The following LCOR variants were observed in gnomAD, a reference collection of about 807,000 sequenced individuals.
LCOR encodes the protein ligand dependent nuclear receptor corepressor, also known as ligand-dependent corepressor.
LCOR carries 14 observed loss-of-function variants against 64.4 expected under a neutral mutation model. The observed-to-expected ratio is 0.22, with a 90% CI of 0.14 to 0.34. The LOEUF is 0.34. Ranked by LOEUF, LCOR falls within the 10% of genes least tolerant of loss-of-function variation. The probability of loss-of-function intolerance (pLI) is 1.00; values close to 1 mark genes in which losing one functional copy is unlikely to be tolerated. For synonymous variants in LCOR, 643 were observed against 642.5 expected (o/e 1.00, Z -0.01); for missense variants, 1,686 against 1,765.3 (o/e 0.96, Z 0.80).
intron 7 of LCOR, among the ~76,000 whole-genome samples, chr10:96,966,625 G>C (rs1847953886): frequency 6.6e-6 from 1 of 152,154 alleles, no homozygotes; most frequent in Non-Finnish European, 1.5e-5. Context: ...TTTTTTAATA[G>C]AAAGTGTTAA....
intron 2 of LCOR, among the ~76,000 whole-genome samples, chr10:96,843,438 C>T (rs1490155627): frequency 5.3e-5 from 8 of 152,082 alleles, no homozygotes; most frequent in Non-Finnish European, 1.2e-4. Flanking sequence ...CCAATGCAAG[C>T]GTATTTTCTA....
At chr10:96,891,636 A>C (rs1195463841) in intron 2 of LCOR, among the ~76,000 whole-genome samples, 1 of 137,178 alleles carries the variant, frequency 7.3e-6, no homozygotes, top group Non-Finnish European at 1.5e-5. Context: ...TCTGCCTCCC[A>C]GGTTCAAGCA....
At chr10:96,925,994 C>T (rs1383523765) in intron 4 of LCOR, among the ~76,000 whole-genome samples, 1 of 152,208 alleles carries the variant, frequency 6.6e-6, no homozygotes, top group Non-Finnish European at 1.5e-5. Flanking sequence ...AAGCCCCTTT[C>T]AGGCCACCTC....
At chr10:96,958,467 TAA>T (rs1189845844) in intron 7 of LCOR, 1 of 997,906 alleles carries the variant, frequency 1.0e-6, no homozygotes, top group Non-Finnish European at 1.5e-6. Flanking sequence ...TGCTGCAGTT[TAA>T]GAGAACTTGT....
intron 6 of LCOR, among the ~76,000 whole-genome samples, chr10:96,949,789 G>A (rs757800710): frequency 1.3e-5 from 2 of 152,130 alleles, no homozygotes; most frequent in African/African-American, 2.4e-5. Context: ...AGAGAAAGCA[G>A]CAGAACATAC....
intron 2 of LCOR, among the ~76,000 whole-genome samples, chr10:96,857,926 T>G (rs916871261): frequency 3.3e-5 from 5 of 152,198 alleles, no homozygotes; most frequent in African/African-American, 1.2e-4. Context: ...CCCTGAAGTC[T>G]TCTTACCATA....
In LCOR at chr10:96,981,494, A is replaced by G. The variant is rs780514163; in HGVS notation, c.1034A>G (p.Lys345Arg). The change falls in exon 8 of 8, where the codon AAA (lysine) becomes AGA (arginine). Residue 345 changes from lysine to arginine, a missense_variant. Coordinates refer to ENST00000421806, the MANE Select transcript of LCOR (RefSeq NM_001346516.2). ...TCIIPQRNLF[K>R]ALSEEAWNSG... ...ATTATTCCTCAAAGAAATTTGTTCAAAGCTTTATCAGAAGAGGCTTGGAAC... is the reference window on the plus strand; with the variant it reads ...ATTATTCCTCAAAGAAATTTGTTCAGAGCTTTATCAGAAGAGGCTTGGAAC... The G allele has an allele frequency of 1.7e-5, 28 of 1,614,118 alleles. No homozygotes were observed. The highest frequency in any genetic ancestry group is 1.9e-5 in the Non-Finnish European group (23 of 1,180,044).
At chr10:96,867,647 G>A (rs975054285) in intron 2 of LCOR, among the ~76,000 whole-genome samples, 1 of 152,004 alleles carries the variant, frequency 6.6e-6, no homozygotes, top group Non-Finnish European at 1.5e-5. Context: ...TAATCCCTTT[G>A]GGAGGCCAAG....
intron 2 of LCOR, among the ~76,000 whole-genome samples, chr10:96,865,029 A>G (rs1002886290): frequency 6.6e-6 from 1 of 152,204 alleles, no homozygotes; most frequent in Non-Finnish European, 1.5e-5. Context: ...TTAATTTGAG[A>G]GACGAGAGAT....
rs556275601 is a variant in LCOR, at chr10:96,993,699, T to C, written c.*8565T>C. The C allele has an allele frequency of 4.0e-5, 6 of 150,952 alleles. No individual in the cohort carries two copies. Among genetic ancestry groups the C allele is most frequent in the African/African-American group, 1.5e-4 (6 of 41,292 alleles). 9.4% of individuals were successfully genotyped at this position (150,952 alleles called of 1,614,324 possible). A position where few individuals can be genotyped will look rare whatever the true frequency, so the allele number is the denominator to read the frequency against. ...GGGGCCTTTGATCTGTAATGTTACA[T>C]CAAATCTGAGCTTTAACTGCCCCCT... is the stretch of plus-strand genomic sequence containing the variant. On this transcript the variant is annotated 3_prime_UTR_variant, in exon 8 of 8. Transcript: ENST00000421806.
At chr10:96,885,688 A>C (rs1589631306) in intron 2 of LCOR, among the ~76,000 whole-genome samples, 2 of 147,724 alleles carry the variant, frequency 1.4e-5, no homozygotes, top group African/African-American at 5.0e-5. Flanking sequence ...GAGCCACCTC[A>C]CCTGGCTAAA....
chr10:96,952,230 C>A (rs1847693557), intron 7 of LCOR, 34 bp downstream of exon 7: 1 of 1,422,466 alleles, frequency 7.0e-7, no homozygotes. Flanking sequence ...TACACAGTTT[C>A]ATATAGATAA....
At chr10:96,886,023 A>T (rs969474022) in intron 2 of LCOR, among the ~76,000 whole-genome samples, 8 of 152,138 alleles carry the variant, frequency 5.3e-5, no homozygotes, top group Non-Finnish European at 1.0e-4. Context: ...GACTACGGGC[A>T]TGCGCCACCA....
intron 2 of LCOR, among the ~76,000 whole-genome samples, chr10:96,904,454 C>T (rs768684175): frequency 9.2e-5 from 14 of 152,042 alleles, no homozygotes; most frequent in Admixed American, 2.0e-4. Flanking sequence ...TGTTCTTTAA[C>T]CAGTGTGAAC....
chr10:96,956,202 C>T, intron 7 of LCOR: 1 of 1,137,008 alleles, frequency 8.8e-7, no homozygotes, highest in Non-Finnish European at 1.1e-6. Context: ...GAAGTGGACT[C>T]CTTGCCTGTA....
rs1848123720 is a variant in LCOR at position 96,984,211 on chromosome 10, A to C, written c.3751A>C (p.Asn1251His). Residue 1251 changes from asparagine to histidine, a missense_variant, in exon 8 of 8, where the codon AAT becomes CAT. Asn to His is a moderately conservative substitution (Grantham distance 68). Transcript: ENST00000421806. ...TCCTGGAGCTACCCCTGCTAAGAAT[A>C]ATTGGAAAATGCAGAAGCTCTGGGC... ...KFPGATPAKN[N>H]WKMQKLWAKF... 1 of 1,613,946 alleles carries C rather than the reference A, an allele frequency of 6.2e-7. No individual in the cohort carries two copies. The highest frequency in any genetic ancestry group is 1.3e-5 in the African/African-American group (1 of 74,914).
intron 2 of LCOR, among the ~76,000 whole-genome samples, chr10:96,847,748 A>G (rs1845657723): frequency 6.6e-6 from 1 of 152,090 alleles, no homozygotes; most frequent in African/African-American, 2.4e-5. Flanking sequence ...AGCCTGGTCA[A>G]AAGTACTAAA....
intron 7 of LCOR, chr10:96,955,326 C>A: frequency 2.5e-6 from 4 of 1,614,026 alleles, no homozygotes; most frequent in Non-Finnish European, 3.4e-6. Context: ...AATGGCACTT[C>A]AAGCAAAACA....
At chr10:96,937,938 CTATTTATT>C (rs151244821) in intron 4 of LCOR, among the ~76,000 whole-genome samples, 5 of 152,086 alleles carry the variant, frequency 3.3e-5, no homozygotes, top group African/African-American at 7.2e-5. Flanking sequence ...GTTGGTTTAA[CTATTTATT>C]TATTTATTTA....
Sources: gnomAD v4.1 joint callset for allele counts (sites outside exome capture counted in the v4.1 genomes callset) on GRCh38, gnomAD v4.1.1 for gene constraint, MANE v1.5 for transcripts, NCBI Gene and HGNC (gene_info 2026-07-23, HGNC 2026-07-21) for gene names.